The following LSM7 variants were observed in gnomAD, a reference collection of about 807,000 sequenced individuals.
LSM7 encodes the protein U6 snRNA-associated Sm-like protein LSm7.
In LSM7, 13 loss-of-function variants were observed where a neutral mutation model predicts 14.1. The ratio of observed to expected loss-of-function variants is 0.92; its 90% confidence interval spans 0.60 to 1.47. LSM7 has a LOEUF of 1.47. Ranked by LOEUF, LSM7 falls within the 40% of genes most tolerant of loss-of-function variation. The pLI is 0.00. For synonymous variants in LSM7, 70 were observed against 57.1 expected (o/e 1.23, Z -1.02); for missense variants, 108 against 140.8 (o/e 0.77, Z 1.18).
chr19:2,322,540 CA>C, intron 3 of LSM7, among the ~76,000 whole-genome samples: 1 of 151,924 alleles, frequency 6.6e-6, no homozygotes, highest in South Asian at 2.1e-4. Context: ...GATTCCATCT[CA>C]AAAAATAAAA....
At chr19:2,324,476 G>A (rs1967984687) in intron 2 of LSM7, 4 of 500,558 alleles carry the variant, frequency 8.0e-6, no homozygotes, top group Non-Finnish European at 1.5e-5. Flanking sequence ...CTGGGTGGAG[G>A]CAGCTTCGGT....
At chr19:2,326,706 G>C (rs1271352934) in intron 2 of LSM7, among the ~76,000 whole-genome samples, 2 of 152,186 alleles carry the variant, frequency 1.3e-5, no homozygotes, top group Non-Finnish European at 2.9e-5. Context: ...CCTGACCTCA[G>C]GTGATCCACC....
chr19:2,322,506 A>G (rs529772869), intron 3 of LSM7, among the ~76,000 whole-genome samples: 1 of 152,146 alleles, frequency 6.6e-6, no homozygotes, highest in Non-Finnish European at 1.5e-5. Context: ...GCGCCACTGC[A>G]CTCCAGCCTG....
In LSM7 at chr19:2,321,942, A is replaced by AG; in HGVS notation, c.170-121dup. 2 of 937,624 alleles carry AG rather than the reference A, an allele frequency of 2.1e-6. No individual in the cohort carries two copies. Among genetic ancestry groups the AG allele is most frequent in the South Asian group, 5.4e-5 (2 of 37,258 alleles). 58.1% of individuals were successfully genotyped at this position (937,624 alleles called of 1,614,324 possible). On this transcript the variant is annotated intron_variant, in intron 3 of 3. Transcript: ENST00000252622. This position sits in a 1 kb window ranked among gnomAD's most constrained non-coding sequence, Gnocchi z 5.0. The stretch of plus-strand genomic sequence containing the variant: ...CACCCTGCAGGCGCCACGAGCACGC[A>AG]GGGACCTCAGACGGGATGCGCTCTG...
In LSM7 at chr19:2,326,312, TTGTGTGTGTGTGTGTGTG is replaced by T. The variant is rs145468909; in HGVS notation, c.97+2057_97+2074del. ...TCAGGGACCAAACCCTTTCTGCTTT[TTGTGTGTGTGTGTGTGTG>T]TGTGTGTGTGTGTGTGTGTGTGTGT... On this transcript the variant is annotated intron_variant, in intron 2 of 3. Coordinates refer to ENST00000252622, the MANE Select transcript of LSM7 (RefSeq NM_016199.3). 3.1e-3 allele frequency among the ~76,000 whole-genome samples: 401 copies of T among 129,778 alleles called. 2 individuals are homozygous for T. The highest frequency in any genetic ancestry group is 4.7e-3 in the Admixed American group (62 of 13,250). 85.1% of individuals were successfully genotyped at this position (129,778 alleles called of 152,430 possible).
intron 2 of LSM7, 134 bp downstream of exon 2, chr19:2,328,253 G>C: frequency 1.3e-6 from 1 of 774,092 alleles, no homozygotes; most frequent in Non-Finnish European, 2.0e-6. Context: ...CCGGGTGACA[G>C]AGCGAGACTG....
Position 2,321,964 on chromosome 19 carries a change from T to C in LSM7, c.170-142A>G. The C allele has an allele frequency of 1.3e-6, 1 of 742,108 alleles. No homozygotes were observed. Among genetic ancestry groups the C allele is most frequent in the Non-Finnish European group, 1.9e-6 (1 of 524,212 alleles). 46.0% of individuals were successfully genotyped at this position (742,108 alleles called of 1,614,324 possible). ...CGCAGGGACCTCAGACGGGATGCGC[T>C]CTGTGGGGCAGGTCCCCGGCTCCCA... is the stretch of plus-strand genomic sequence containing the variant. On this transcript the variant is annotated intron_variant, in intron 3 of 3. Transcript: ENST00000252622. This position sits in a 1 kb window ranked among gnomAD's most constrained non-coding sequence, Gnocchi z 5.0.
intron 2 of LSM7, 140 bp downstream of exon 2, chr19:2,328,247 G>C: frequency 4.1e-6 from 3 of 738,028 alleles, no homozygotes; most frequent in East Asian, 5.5e-5. Context: ...TCCAGCCCGG[G>C]TGACAGAGCG....
At chr19:2,326,993 CAGA>C (rs1022378893) in intron 2 of LSM7, among the ~76,000 whole-genome samples, 9 of 152,196 alleles carry the variant, frequency 5.9e-5, no homozygotes, top group South Asian at 2.1e-4. Flanking sequence ...CCAGTGGGCT[CAGA>C]AGAAGACCCC....
At chr19:2,324,350 G>C (rs1044506034) in intron 2 of LSM7, 154 bp from the exon 3 acceptor site, 1 of 631,958 alleles carries the variant, frequency 1.6e-6, no homozygotes, top group African/African-American at 1.8e-5. Context: ...GATGACAGCC[G>C]CCTCCAGAGT....
chr19:2,326,312 TTGTGTGTGTGTGTGTG>T (rs145468909), intron 2 of LSM7, among the ~76,000 whole-genome samples: 44 of 129,782 alleles, frequency 3.4e-4, no homozygotes, highest in South Asian at 2.0e-3. Context: ...TTTCTGCTTT[TTGTGTGTGTGTGTGTG>T]TGTGTGTGTG....
rs1240585448 is a variant in LSM7, at chr19:2,324,030, GC to G, written c.169+94del. 5 of 882,104 alleles carry G rather than the reference GC, an allele frequency of 5.7e-6. No individual in the cohort carries two copies. In the East Asian group the frequency reaches 1.1e-4, roughly 20 times the overall value. The allele number at this position is 882,104 out of a possible 1,614,324, so 54.6% of individuals were successfully genotyped here. On this transcript the variant is annotated intron_variant, in intron 3 of 3. Transcript: ENST00000252622. ...AGAGCCAGCAGGGAGCCCCACGGCT[GC>G]CCCCCTCGTCCCACTGCCCCCCTCG... is the stretch of plus-strand genomic sequence containing the variant.
rs1390884106 is a variant in LSM7 at position 2,324,144 on chromosome 19, G to A, written c.150C>T (p.Gly50=). The A allele has an allele frequency of 1.9e-6, 3 of 1,575,942 alleles. No individual in the cohort carries two copies. The highest frequency in any genetic ancestry group is 2.6e-6 in the Non-Finnish European group (3 of 1,161,522). Residue 50 remains glycine, a synonymous_variant, in exon 3 of 4, where the codon GGC becomes GGT. Coordinates refer to ENST00000252622, the MANE Select transcript of LSM7 (RefSeq NM_016199.3). ...ACTCACCTCGCATGTACTCAATGGT[G>A]CCGTCCAGCACAAGGTTGAGGAGTG... ...FDPLLNLVLD[G]TIEYMRDPDD... is the part of the protein sequence containing the mutation.
At chr19:2,326,354 G>GTGTGTGTA (rs1325625346) in intron 2 of LSM7, among the ~76,000 whole-genome samples, 1 of 145,642 alleles carries the variant, frequency 6.9e-6, no homozygotes, top group Non-Finnish European at 1.5e-5. Flanking sequence ...GTGTGTGTGT[G>GTGTGTGTA]TGTTTGAGAT....
chr19:2,323,536 C>A (rs565148474), intron 3 of LSM7, among the ~76,000 whole-genome samples: 10 of 152,274 alleles, frequency 6.6e-5, no homozygotes, highest in East Asian at 1.9e-4. Flanking sequence ...CTGCAACCTC[C>A]GCCTCCCAGG....
In LSM7 at chr19:2,328,379, C is replaced by T; in HGVS notation, c.97+8G>A. The T allele has an allele frequency of 6.2e-7, 1 of 1,613,582 alleles. No homozygotes were observed. Among genetic ancestry groups the T allele is most frequent in the Non-Finnish European group, 8.5e-7 (1 of 1,179,638 alleles). On this transcript the variant is annotated splice_region_variant and intron_variant, in intron 2 of 3. Coordinates refer to ENST00000252622, the MANE Select transcript of LSM7 (RefSeq NM_016199.3). ...AAGAGGGGGTACCGACAGCGGGAGC[C>T]TCCTCACCTTCGCGGCCTCCCTGGA... is the stretch of plus-strand genomic sequence containing the variant.
At position 2,327,941 on chromosome 19, in the gene LSM7, A is replaced by T. The variant is rs1333351781; in HGVS notation, c.97+446T>A. The stretch of plus-strand genomic sequence containing the variant: ...TGGGTGGAGTTACCAGCCCCATTTG[A>T]CAAATGAGGAAACGGAGGCTAGGAG... On this transcript the variant is annotated intron_variant, in intron 2 of 3. Transcript: ENST00000252622. The T allele has an allele frequency of 3.0e-5, 5 of 164,590 alleles. No homozygotes were observed. In the East Asian group the frequency reaches 5.3e-4, roughly 17 times the overall value. 10.2% of individuals were successfully genotyped at this position (164,590 alleles called of 1,614,324 possible).
chr19:2,321,612 C>A lies in LSM7; in HGVS notation c.*68G>T. On this transcript the variant is annotated 3_prime_UTR_variant, in exon 4 of 4. Coordinates refer to ENST00000252622, the MANE Select transcript of LSM7 (RefSeq NM_016199.3). This position sits in a 1 kb window ranked among gnomAD's most constrained non-coding sequence, Gnocchi z 5.0. Reference sequence around the variant, plus strand: ...CCAGGAGGCGGTACTGCGGTGGGAGCAGCAGCCAAGTCCGCGGGAAACCGA... The same window carrying A: ...CCAGGAGGCGGTACTGCGGTGGGAGAAGCAGCCAAGTCCGCGGGAAACCGA... The A allele has an allele frequency of 1.5e-6, 2 of 1,328,290 alleles. No homozygotes were observed. Among genetic ancestry groups the A allele is most frequent in the Non-Finnish European group, 1.9e-6 (2 of 1,034,656 alleles). 82.3% of individuals were successfully genotyped at this position (1,328,290 alleles called of 1,614,324 possible).
chr19:2,325,749 C>T (rs1184280495), intron 2 of LSM7, among the ~76,000 whole-genome samples: 1 of 152,372 alleles, frequency 6.6e-6, no homozygotes, highest in South Asian at 2.1e-4. Context: ...CCACCACACT[C>T]GCCCGCTCAG....
Sources: allele counts gnomAD v4.1 joint callset (sites outside exome capture counted in the v4.1 genomes callset), GRCh38; gene constraint gnomAD v4.1.1; non-coding constraint Gnocchi (gnomAD v3.1); transcripts MANE v1.5; gene names NCBI Gene and HGNC (gene_info 2026-07-23, HGNC 2026-07-21).